Variants in NRG1 observed in about 807,000 individuals in gnomAD.
The protein encoded by NRG1 is pro-neuregulin-1, membrane-bound isoform.
Under a neutral mutation model 63.8 loss-of-function variants are expected in NRG1, and 18 were observed. The ratio of observed to expected loss-of-function variants is 0.28; its 90% confidence interval spans 0.19 to 0.42. NRG1 has a LOEUF of 0.42. NRG1 is among the 10% of genes least tolerant of loss of function. The pLI is 1.00. For missense variants in NRG1, 762 were observed against 814.7 expected, an observed-to-expected ratio of 0.94 and a Z score of 0.79; for synonymous variants, 302 against 301.3, an observed-to-expected ratio of 1.00 and a Z score of -0.02.
At chr8:31,916,450 C>A (rs553152501) in intron 1 of NRG1, among the ~76,000 whole-genome samples, 2 of 152,104 alleles carry the variant, frequency 1.3e-5, no homozygotes, top group African/African-American at 4.8e-5. Flanking sequence ...TGAGAATATG[C>A]GGTGTTTGGT....
intron 1 of NRG1, among the ~76,000 whole-genome samples, chr8:32,331,365 C>CAAAAAA (rs35510271): frequency 3.9e-4 from 45 of 115,478 alleles, no homozygotes; most frequent in South Asian, 9.0e-4. Context: ...ACAAAAAATA[C>CAAAAAA]AAAAAAAAAA....
At chr8:31,919,143 C>G (rs892596998) in intron 1 of NRG1, among the ~76,000 whole-genome samples, 2 of 151,892 alleles carry the variant, frequency 1.3e-5, no homozygotes, top group Non-Finnish European at 2.9e-5. Context: ...TTGATCCTTT[C>G]AAAAAACCAG....
chr8:32,630,211 C>T (rs112969197), intron 5 of NRG1, among the ~76,000 whole-genome samples: 54 of 152,244 alleles, frequency 3.5e-4, no homozygotes, highest in Middle Eastern at 3.4e-3. Context: ...ATGATAATTG[C>T]AGCTACTTTC....
chr8:31,969,898 C>T (rs879704064), intron 1 of NRG1, among the ~76,000 whole-genome samples: 3 of 152,126 alleles, frequency 2.0e-5, no homozygotes, highest in African/African-American at 7.2e-5. Context: ...ACACTCCTGG[C>T]ATGATTTCCA....
At chr8:32,514,394 T>G (rs1235879527) in intron 1 of NRG1, among the ~76,000 whole-genome samples, 1 of 152,196 alleles carries the variant, frequency 6.6e-6, no homozygotes, top group Non-Finnish European at 1.5e-5. Context: ...TTTGATCTTT[T>G]CTGAGATCCA....
At chr8:32,660,682 A>G (rs1353369357) in intron 5 of NRG1, among the ~76,000 whole-genome samples, 9 of 152,176 alleles carry the variant, frequency 5.9e-5, no homozygotes, top group Admixed American at 2.6e-4. Context: ...GACAGCATGC[A>G]CACTATGAAC....
intron 1 of NRG1, among the ~76,000 whole-genome samples, chr8:31,740,710 C>T (rs1191540254): frequency 6.6e-6 from 1 of 151,222 alleles, no homozygotes; most frequent in Admixed American, 6.6e-5. Context: ...AGAGAGGGAC[C>T]ACAAAGTCTC....
chr8:32,043,121 A>T (rs1820363034), intron 1 of NRG1, among the ~76,000 whole-genome samples: 1 of 152,054 alleles, frequency 6.6e-6, no homozygotes, highest in Non-Finnish European at 1.5e-5. Flanking sequence ...AACACAAATA[A>T]ATCCATGCCC....
At chr8:32,273,174 C>A (rs982197662) in intron 1 of NRG1, among the ~76,000 whole-genome samples, 1 of 152,178 alleles carries the variant, frequency 6.6e-6, no homozygotes, top group Non-Finnish European at 1.5e-5. Context: ...ACATTCTTTG[C>A]TATGAGTTGC....
At chr8:32,216,799 G>T (rs562243305) in intron 1 of NRG1, among the ~76,000 whole-genome samples, 238 of 151,728 alleles carry the variant, frequency 1.6e-3, no homozygotes, top group Non-Finnish European at 2.5e-3. Context: ...AATACATCTA[G>T]TTCAGAACAT....
chr8:32,646,893 G>T lies in NRG1; in HGVS notation c.502+30008G>T, dbSNP rs575609653. ...TGTGGGTAGAGAGCGGGGAGTGGGG[G>T]TTGGGAGAGGGGGAGGAAAGAGAGA... On this transcript the variant is annotated intron_variant, in intron 5 of 11. Transcript: ENST00000356819. The T allele has an allele frequency of 3.7e-5, 36 of 984,832 alleles. No homozygotes were observed. In the East Asian group the frequency reaches 1.1e-3, roughly 31 times the overall value. The allele number at this position is 984,832 out of a possible 1,614,324, so 61.0% of individuals were successfully genotyped here. A position where few individuals can be genotyped will look rare whatever the true frequency, so the allele number is the denominator to read the frequency against.
At chr8:32,071,499 A>C (rs1043674266) in intron 1 of NRG1, among the ~76,000 whole-genome samples, 1 of 152,150 alleles carries the variant, frequency 6.6e-6, no homozygotes, top group East Asian at 1.9e-4. Flanking sequence ...GCATTCCTGT[A>C]TTGGTAGATT....
chr8:31,719,841 A>ATT (rs141147282), intron 1 of NRG1, among the ~76,000 whole-genome samples: 19 of 149,884 alleles, frequency 1.3e-4, no homozygotes, highest in African/African-American at 2.0e-4. Flanking sequence ...TGGGATTATG[A>ATT]TTTTTTTTTT....
chr8:32,314,186 A>G (rs1384139083), intron 1 of NRG1, among the ~76,000 whole-genome samples: 1 of 26,498 alleles, frequency 3.8e-5, no homozygotes, highest in African/African-American at 1.9e-4. Context: ...CTAGCTGTTA[A>G]GTGGAAAAAA....
At chr8:32,382,162 A>G (rs1810438396) in intron 1 of NRG1, among the ~76,000 whole-genome samples, 1 of 152,158 alleles carries the variant, frequency 6.6e-6, no homozygotes, top group South Asian at 2.1e-4. Flanking sequence ...ATCATTTCTA[A>G]TCTTATGCAT....
At chr8:32,388,267 G>T (rs1811275958) in intron 1 of NRG1, among the ~76,000 whole-genome samples, 1 of 152,140 alleles carries the variant, frequency 6.6e-6, no homozygotes, top group Non-Finnish European at 1.5e-5. Flanking sequence ...GAGCCTCTCT[G>T]TTGACATAAG....
At chr8:32,044,913 C>CAAAAAAAAAAAAAAAAAAAAA in intron 1 of NRG1, among the ~76,000 whole-genome samples, 44 of 57,130 alleles carry the variant, frequency 7.7e-4, no homozygotes, top group East Asian at 1.4e-3. Context: ...TAAAGAAAAG[C>CAAAAAAAAAAAAAAAAAAAAA]AAAAAAAAAA....
chr8:32,358,244 C>A (rs1806717164), intron 1 of NRG1, among the ~76,000 whole-genome samples: 2 of 151,846 alleles, frequency 1.3e-5, no homozygotes, highest in South Asian at 4.2e-4. Context: ...CCAACTCAGC[C>A]CCAGAATGCC....
intron 1 of NRG1, among the ~76,000 whole-genome samples, chr8:31,757,339 C>G (rs1817072870): frequency 6.6e-6 from 1 of 152,046 alleles, no homozygotes; most frequent in Non-Finnish European, 1.5e-5. Flanking sequence ...AAGAGCTATT[C>G]TTGGCTTTCA....
Sources: allele counts gnomAD v4.1 joint callset (sites outside exome capture counted in the v4.1 genomes callset), GRCh38; gene constraint gnomAD v4.1.1; transcripts MANE v1.5; gene names NCBI Gene and HGNC (gene_info 2026-07-23, HGNC 2026-07-21).